The following COL27A1 variants were observed in gnomAD, a reference collection of about 807,000 sequenced individuals.
COL27A1 encodes collagen type XXVII alpha 1 chain.
Under a neutral mutation model 251.3 loss-of-function variants are expected in COL27A1, and 106 were observed. That is an observed-to-expected ratio of 0.42 (90% CI 0.36 to 0.50). The LOEUF is 0.50. COL27A1 is among the 20% of genes least tolerant of loss of function. COL27A1 has a pLI of 0.00. For synonymous variants in COL27A1, 1,000 were observed against 986.3 expected (o/e 1.01, Z -0.26); for missense variants, 2,325 against 2,522.8 (o/e 0.92, Z 1.68).
intron 16 of COL27A1, among the ~76,000 whole-genome samples, chr9:114,234,212 TA>T (rs11415885): frequency 0.034 from 3,020 of 89,248 alleles, 107 homozygotes; most frequent in African/African-American, 0.1. Context: ...TCTTGGACAT[TA>T]AAAAAAAAAA....
At chr9:114,293,721 A>G (rs1453806044) in intron 49 of COL27A1, among the ~76,000 whole-genome samples, 1 of 152,204 alleles carries the variant, frequency 6.6e-6, no homozygotes, top group Admixed American at 6.5e-5. Flanking sequence ...TTAAAAGGCT[A>G]ATAAGGGAAT....
In COL27A1 at chr9:114,264,415, A is replaced by G; in HGVS notation, c.3249+7A>G. 1 of 1,557,576 alleles carries G rather than the reference A, an allele frequency of 6.4e-7. No individual in the cohort carries two copies. Among genetic ancestry groups the G allele is most frequent in the Non-Finnish European group, 8.7e-7 (1 of 1,149,878 alleles). On this transcript the variant is annotated splice_region_variant and intron_variant, in intron 29 of 60. Coordinates refer to ENST00000356083, the MANE Select transcript of COL27A1 (RefSeq NM_032888.4). ...AGGGTCCAGGGGCCTGAAGGTACCG[A>G]CCCCTAGGACCTGCCCTTCCTCACT...
intron 43 of COL27A1, 49 bp from the exon 44 acceptor site, chr9:114,288,865 A>T: frequency 1.2e-6 from 2 of 1,611,190 alleles, no homozygotes; most frequent in Non-Finnish European, 1.7e-6. Context: ...GCTGCCTCCC[A>T]GCCCTCTGCA....
chr9:114,183,968 A>G (rs893013192), intron 5 of COL27A1, among the ~76,000 whole-genome samples: 12 of 152,202 alleles, frequency 7.9e-5, no homozygotes, highest in Admixed American at 6.5e-5. Context: ...ATTGGAAGTG[A>G]GAAACTCAGA....
intron 49 of COL27A1, among the ~76,000 whole-genome samples, chr9:114,299,212 C>T (rs1008599830): frequency 2.0e-5 from 3 of 152,144 alleles, no homozygotes; most frequent in Non-Finnish European, 2.9e-5. Context: ...AGGGAGATGA[C>T]GTATTATCCT....
intron 36 of COL27A1, among the ~76,000 whole-genome samples, chr9:114,274,831 T>G (rs1477120715): frequency 6.6e-6 from 1 of 152,130 alleles, no homozygotes. Context: ...ATTATTATTA[T>G]TATTCACTGT....
chr9:114,216,526 G>A (rs562742253), intron 12 of COL27A1, among the ~76,000 whole-genome samples: 14 of 152,326 alleles, frequency 9.2e-5, no homozygotes, highest in Admixed American at 6.5e-4. Context: ...TAGTAGCGGA[G>A]GGATGAGGCA....
In COL27A1 at chr9:114,183,028, C is replaced by T; in HGVS notation, c.1969C>T (p.Pro657Ser). 1.2e-6 allele frequency: 2 copies of T among 1,613,802 alleles called. No homozygotes were observed. The highest frequency in any genetic ancestry group is 1.7e-6 in the Non-Finnish European group (2 of 1,179,966). ...TGTTCCTTGTCTCTTTCAGGGTCCT[C>T]CTGGGCCTTATGGAAATCCAGGTCT... is the stretch of plus-strand genomic sequence containing the variant. ...IPGARGPRGPPGPYGNPGLPG... is the reference protein window; with the variant it reads ...IPGARGPRGPSGPYGNPGLPG... The change falls in exon 5 of 61, where the codon CCT (proline) becomes TCT (serine). Residue 657 changes from proline to serine, a missense_variant. Physicochemically the swap from Pro to Ser is moderately conservative, Grantham distance 74. Transcript: ENST00000356083.
In COL27A1 at chr9:114,173,011, G is replaced by T. The variant is rs138161438; in HGVS notation, c.1908+3548G>T. On this transcript the variant is annotated intron_variant, in intron 3 of 60. Coordinates refer to ENST00000356083, the MANE Select transcript of COL27A1 (RefSeq NM_032888.4). ...GTGCAAACCTGCTCCTCGGGGTTCAGGGCACGAGAGCAACTGGCAGAGGCA... is the reference window on the plus strand; with the variant it reads ...GTGCAAACCTGCTCCTCGGGGTTCATGGCACGAGAGCAACTGGCAGAGGCA... 2.0e-3 allele frequency among the ~76,000 whole-genome samples: 304 copies of T among 152,350 alleles called. 1 individual carries two copies. Among genetic ancestry groups the T allele is most frequent in the African/African-American group, 6.7e-3 (280 of 41,582 alleles).
rs145306888 is a variant in COL27A1, at chr9:114,264,116, C to A, written c.3196-239C>A. 4.5e-3 allele frequency among the ~76,000 whole-genome samples: 682 copies of A among 152,344 alleles called. 8 individuals are homozygous for A. Among genetic ancestry groups the A allele is most frequent in the East Asian group, 0.02 (103 of 5,172 alleles). On this transcript the variant is annotated intron_variant, in intron 28 of 60. Coordinates refer to ENST00000356083, the MANE Select transcript of COL27A1 (RefSeq NM_032888.4). ...AACAGGGCCATTAGTGCCCCAGCCC[C>A]CTTCTGGAAGCATCAGCCTCTAGCT...
chr9:114,180,503 C>T (rs1048103931), intron 4 of COL27A1, among the ~76,000 whole-genome samples: 6 of 152,142 alleles, frequency 3.9e-5, no homozygotes, highest in South Asian at 2.1e-4. Context: ...CCCTGCCCGC[C>T]GTCCCACCAT....
At chr9:114,245,148 G>GTTT (rs779029948) in intron 23 of COL27A1, among the ~76,000 whole-genome samples, 6 of 101,332 alleles carry the variant, frequency 5.9e-5, no homozygotes, top group Non-Finnish European at 1.2e-4. Context: ...GTGCATTCTT[G>GTTT]TTTTTTTTTT....
chr9:114,307,806 C>A, intron 59 of COL27A1, 28 bp downstream of exon 59: 1 of 1,536,056 alleles, frequency 6.5e-7, no homozygotes, highest in Non-Finnish European at 9.0e-7. Context: ...CACTGCCCAC[C>A]AGGCTGTCTG....
In COL27A1 at chr9:114,300,630, G is replaced by T. The variant is rs758523198; in HGVS notation, c.4644G>T (p.Pro1548=). The T allele has an allele frequency of 2.0e-6, 3 of 1,534,938 alleles. No homozygotes were observed. The highest frequency in any genetic ancestry group is 1.3e-5 in the South Asian group (1 of 79,328). Residue 1548 remains proline (P), a synonymous_variant, in exon 51 of 61, where the codon CCG becomes CCT. Transcript: ENST00000356083. ...CCTTTCTCTGCCTCCCACAGGGCCC[G>T]CCTGGAGACATTGGCTTCAAAGGCA... The part of the protein sequence containing the change: ...GMAGLFGPKG[P]PGDIGFKGIQ...
chr9:114,278,180 G>A (rs758329840), intron 37 of COL27A1, among the ~76,000 whole-genome samples: 26 of 150,728 alleles, frequency 1.7e-4, no homozygotes, highest in Non-Finnish European at 3.1e-4. Flanking sequence ...GTGTGGGTGG[G>A]GGCAGCAGCA....
intron 12 of COL27A1, among the ~76,000 whole-genome samples, chr9:114,214,370 G>T (rs1404885833): frequency 1.3e-5 from 2 of 152,172 alleles, no homozygotes; most frequent in East Asian, 3.9e-4. Flanking sequence ...TTTCTGGCAG[G>T]GCTGGTGATG....
intron 2 of COL27A1, among the ~76,000 whole-genome samples, chr9:114,166,110 T>A (rs765292712): frequency 6.6e-6 from 1 of 151,448 alleles, no homozygotes; most frequent in Non-Finnish European, 1.5e-5. Flanking sequence ...TATCTATCCA[T>A]CCATCCCTTC....
chr9:114,236,256 C>T (rs1832391275), intron 17 of COL27A1, among the ~76,000 whole-genome samples: 1 of 152,180 alleles, frequency 6.6e-6, no homozygotes, highest in African/African-American at 2.4e-5. Context: ...GTGGTGCCAC[C>T]TTTCTCCTCT....
intron 23 of COL27A1, 111 bp from the exon 24 acceptor site, chr9:114,245,755 C>G: frequency 1.0e-6 from 1 of 988,320 alleles, no homozygotes; most frequent in Non-Finnish European, 1.6e-6. Flanking sequence ...AGATAAGATC[C>G]CTGGTTCATC....
Sources: gnomAD v4.1 joint callset for allele counts (sites outside exome capture counted in the v4.1 genomes callset) on GRCh38, gnomAD v4.1.1 for gene constraint, MANE v1.5 for transcripts, NCBI Gene and HGNC (gene_info 2026-07-23, HGNC 2026-07-21) for gene names.